The following ZC3HAV1 variants were observed in gnomAD, a reference collection of about 807,000 sequenced individuals.
The protein encoded by ZC3HAV1 is zinc finger CCCH-type containing, antiviral 1, also known as zinc finger CCCH-type antiviral protein 1.
A neutral mutation model predicts 86.6 loss-of-function variants in ZC3HAV1; 41 were observed. The observed-to-expected ratio is 0.47, with a 90% CI of 0.37 to 0.61. The LOEUF (loss-of-function observed/expected upper bound fraction) is 0.61. ZC3HAV1 is among the 20% of genes least tolerant of loss of function. The pLI, the probability that ZC3HAV1 is intolerant of heterozygous loss-of-function variation, is 0.00. For missense variants in ZC3HAV1, 964 were observed against 1,141.1 expected, an observed-to-expected ratio of 0.84 and a Z score of 2.24; for synonymous variants, 421 against 432.1, an observed-to-expected ratio of 0.97 and a Z score of 0.32.
At chr7:139,064,618 T>C (rs1301120237) in intron 8 of ZC3HAV1, among the ~76,000 whole-genome samples, 1 of 152,052 alleles carries the variant, frequency 6.6e-6, no homozygotes, top group Non-Finnish European at 1.5e-5. Context: ...ACTACTTAGT[T>C]TGAGCCCCTG....
At chr7:139,077,629 A>G (rs546133711) in intron 5 of ZC3HAV1, among the ~76,000 whole-genome samples, 147 of 152,328 alleles carry the variant, frequency 9.7e-4, no homozygotes, top group Non-Finnish European at 1.7e-3. Flanking sequence ...TCCCCCTTAC[A>G]TATTTGGCAC....
intron 1 of ZC3HAV1, among the ~76,000 whole-genome samples, chr7:139,104,247 A>AAAGAC (rs1233228007): frequency 6.6e-6 from 1 of 151,604 alleles, no homozygotes; most frequent in Non-Finnish European, 1.5e-5. Context: ...ACCGAAAAGG[A>AAAGAC]AAGACATACA....
intron 7 of ZC3HAV1, among the ~76,000 whole-genome samples, chr7:139,065,752 A>G (rs1296232958): frequency 6.6e-6 from 1 of 151,988 alleles, no homozygotes; most frequent in Non-Finnish European, 1.5e-5. Flanking sequence ...AAAAATTCAA[A>G]AATTAGCTGG....
chr7:139,092,293 G>GA (rs1817459573), intron 1 of ZC3HAV1, among the ~76,000 whole-genome samples: 1 of 152,198 alleles, frequency 6.6e-6, no homozygotes, highest in Non-Finnish European at 1.5e-5. Context: ...GGCTGCCAGT[G>GA]AAAGAGCCAA....
chr7:139,068,190 G>C (rs1034490067), intron 7 of ZC3HAV1, among the ~76,000 whole-genome samples: 1 of 151,984 alleles, frequency 6.6e-6, no homozygotes, highest in African/African-American at 2.4e-5. Flanking sequence ...CTCCCGAATA[G>C]CTGGGATTAC....
At chr7:139,065,086 G>A in intron 7 of ZC3HAV1, 87 bp from the exon 8 acceptor site, 1 of 1,538,744 alleles carries the variant, frequency 6.5e-7, no homozygotes. Flanking sequence ...GCAATGAGAT[G>A]TGAACAGGAG....
chr7:139,094,180 T>A (rs1817513308), intron 1 of ZC3HAV1, among the ~76,000 whole-genome samples: 1 of 152,094 alleles, frequency 6.6e-6, no homozygotes, highest in South Asian at 2.1e-4. Flanking sequence ...TCCATTAGAT[T>A]CCTGGGCCCC....
At position 139,045,901 on chromosome 7, in the gene ZC3HAV1, A is replaced by ATTTTTTTTT. The variant is rs61634792; in HGVS notation, c.*1684_*1692dup. 1.0e-5 allele frequency: 1 copy of ATTTTTTTTT among 98,920 alleles called. No homozygotes were observed. The highest frequency in any genetic ancestry group is 4.0e-5 in the African/African-American group (1 of 24,740). 6.1% of individuals were successfully genotyped at this position (98,920 alleles called of 1,614,324 possible). On this transcript the variant is annotated 3_prime_UTR_variant, in exon 13 of 13. Coordinates refer to ENST00000242351, the MANE Select transcript of ZC3HAV1 (RefSeq NM_020119.4). ...AAAATAACTCTACTCTAAAAAAACT[A>ATTTTTTTTT]TTTTTTTTTTTTTTTTTTTTTTTTT...
intron 7 of ZC3HAV1, among the ~76,000 whole-genome samples, chr7:139,070,537 G>A (rs894126982): frequency 2.0e-5 from 3 of 151,644 alleles, no homozygotes; most frequent in South Asian, 2.1e-4. Context: ...GGTGGCGGGC[G>A]CCTGTAGTCC....
intron 3 of ZC3HAV1, among the ~76,000 whole-genome samples, chr7:139,082,152 C>A (rs1817144394): frequency 6.6e-6 from 1 of 152,034 alleles, no homozygotes; most frequent in Admixed American, 6.6e-5. Context: ...GTAATCCCAG[C>A]TACTTGGGAG....
chr7:139,107,186 GCT>G (rs939375875), intron 1 of ZC3HAV1, among the ~76,000 whole-genome samples: 3 of 152,112 alleles, frequency 2.0e-5, no homozygotes, highest in Non-Finnish European at 4.4e-5. Flanking sequence ...TCCACCCTCT[GCT>G]CTCTTCTCCT....
intron 3 of ZC3HAV1, 114 bp from the exon 4 acceptor site, chr7:139,080,357 A>G: frequency 7.8e-7 from 1 of 1,287,870 alleles, no homozygotes; most frequent in Non-Finnish European, 1.1e-6. Flanking sequence ...TCCAAGTGCT[A>G]TCAAATTACT....
At position 139,109,503 on chromosome 7, in the gene ZC3HAV1, C is replaced by G; in HGVS notation, c.-172G>C. 1.2e-6 allele frequency: 1 copy of G among 818,550 alleles called. No individual in the cohort carries two copies. The highest frequency in any genetic ancestry group is 1.8e-6 in the Non-Finnish European group (1 of 543,886). The allele number at this position is 818,550 out of a possible 1,614,324, so 50.7% of individuals were successfully genotyped here. On this transcript the variant is annotated 5_prime_UTR_variant, in exon 1 of 13. Coordinates refer to ENST00000242351, the MANE Select transcript of ZC3HAV1 (RefSeq NM_020119.4). ...CGTTAGCCCAGCCCAGCGATCCACT[C>G]TCGGCTCTCAGGTCAAGAGGCTAGA...
rs887280754 is a variant in ZC3HAV1, at chr7:139,088,247, G to A, written c.444+1377C>T. On this transcript the variant is annotated intron_variant, in intron 2 of 12. Transcript: ENST00000242351. ...CTTAAGTCTATATTCCTGAGTGGAT[G>A]AAACTGTTAATTATCCACCATTGTC... Among the ~76,000 whole-genome samples, 3 of 152,062 alleles carry A rather than the reference G, an allele frequency of 2.0e-5. No homozygotes were observed. In the East Asian group the frequency reaches 5.8e-4, roughly 29 times the overall value.
intron 1 of ZC3HAV1, among the ~76,000 whole-genome samples, chr7:139,106,165 T>G (rs762888236): frequency 6.6e-6 from 1 of 152,088 alleles, no homozygotes; most frequent in Non-Finnish European, 1.5e-5. Flanking sequence ...AAAGTGGAGG[T>G]TAACAACCCA....
chr7:139,089,666 T>G lies in ZC3HAV1; in HGVS notation c.402A>C (p.Leu134Phe). ...GATCACTTTGGAGGAGGAGCACTGC[T>G]AATTCCTCTTTGTTCAGTCCAGAGA... ...HELSGLNKEE[L>F]AVLLLQSDPF... Residue 134 changes from leucine (L) to phenylalanine (F), a missense_variant, in exon 2 of 13, where the codon TTA (leucine) becomes TTC (phenylalanine). Coordinates refer to ENST00000242351, the MANE Select transcript of ZC3HAV1 (RefSeq NM_020119.4). 6.2e-7 allele frequency: 1 copy of G among 1,612,734 alleles called. No homozygotes were observed. The highest frequency in any genetic ancestry group is 8.5e-7 in the Non-Finnish European group (1 of 1,179,488).
In ZC3HAV1 at chr7:139,047,395, T is replaced by G; in HGVS notation, c.*199A>C. 1 of 600,004 alleles carries G rather than the reference T, an allele frequency of 1.7e-6. No homozygotes were observed. Among genetic ancestry groups the G allele is most frequent in the Non-Finnish European group, 2.8e-6 (1 of 358,366 alleles). 37.2% of individuals were successfully genotyped at this position (600,004 alleles called of 1,614,324 possible). On this transcript the variant is annotated 3_prime_UTR_variant, in exon 13 of 13. Coordinates refer to ENST00000242351, the MANE Select transcript of ZC3HAV1 (RefSeq NM_020119.4). ...ACGCCCAGAAATGATTTCATTGGCA[T>G]GGGGTGCAACCTGGGCATCAGAATT...
At chr7:139,048,501 G>C (rs1487300263) in intron 12 of ZC3HAV1, among the ~76,000 whole-genome samples, 2 of 152,024 alleles carry the variant, frequency 1.3e-5, no homozygotes, top group East Asian at 1.9e-4. Context: ...AGCTACTCAG[G>C]AAGCTGAGGC....
At chr7:139,075,216 C>T (rs1005564767) in intron 6 of ZC3HAV1, among the ~76,000 whole-genome samples, 4 of 152,122 alleles carry the variant, frequency 2.6e-5, no homozygotes, top group African/African-American at 4.8e-5. Flanking sequence ...ACCTAGCAAC[C>T]AGAAAGTAGC....
Sources: allele counts gnomAD v4.1 joint callset (sites outside exome capture counted in the v4.1 genomes callset), GRCh38; gene constraint gnomAD v4.1.1; transcripts MANE v1.5; gene names NCBI Gene and HGNC (gene_info 2026-07-23, HGNC 2026-07-21).